The following FOXF2 variants were observed in gnomAD, a reference collection of about 807,000 sequenced individuals.
The protein encoded by FOXF2 is forkhead box F2, also known as forkhead box protein F2.
Under a neutral mutation model 29.1 loss-of-function variants are expected in FOXF2, and 15 were observed. The observed-to-expected ratio is 0.52, with a 90% CI of 0.35 to 0.79. The LOEUF (loss-of-function observed/expected upper bound fraction) is 0.79, where lower values mean the gene tolerates loss of function less well. Among genes scored for constraint, FOXF2 ranks in the 30% least tolerant of loss-of-function variants. The pLI is 0.01. For missense variants in FOXF2, 675 were observed against 667.1 expected, an observed-to-expected ratio of 1.01 and a Z score of -0.13; for synonymous variants, 337 against 316.5, an observed-to-expected ratio of 1.06 and a Z score of -0.69.
At chr6:1,392,434 TCACACACACACACACA>T (rs71738664) in intron 1 of FOXF2, among the ~76,000 whole-genome samples, 1,947 of 107,758 alleles carry the variant, frequency 0.018, 45 homozygotes, top group African/African-American at 0.056. Context: ...CGGCTGTCAA[TCACACACACACACACA>T]CACACACACA....
rs745411238 is a variant in FOXF2, at chr6:1,394,854, A to T, written c.1330A>T (p.Met444Leu). Residue 444 changes from methionine to leucine, a missense_variant, in exon 2 of 2, where the codon ATG becomes TTG. By Grantham distance (15) the Met-to-Leu change is conservative (BLOSUM62 2). Coordinates refer to ENST00000645481, the MANE Select transcript of FOXF2 (RefSeq NM_001452.2). Reference protein sequence around the residue: ...SVCQDIKPCVM With the variant: ...SVCQDIKPCVL ...CTGTCAGGATATTAAGCCCTGCGTC[A>T]TGTGAACGGAAAGAGGCCAAGCGAT... is the stretch of plus-strand genomic sequence containing the variant. The T allele has an allele frequency of 2.5e-6, 4 of 1,614,016 alleles. No individual in the cohort carries two copies. Among genetic ancestry groups the T allele is most frequent in the Middle Eastern group, 1.6e-4 (1 of 6,084 alleles).
chr6:1,390,660 A>G lies in FOXF2; in HGVS notation c.713A>G (p.His238Arg). The change falls in exon 1 of 2, where the codon CAC (histidine) becomes CGC (arginine). Residue 238 changes from histidine (H) to arginine (R), a missense_variant. This residue lies in a region of FOXF2 where 451 missense variants were observed against 437.2 expected (regional missense o/e 1.03). Coordinates refer to ENST00000645481, the MANE Select transcript of FOXF2 (RefSeq NM_001452.2). This position sits in a 1 kb window ranked among gnomAD's most constrained non-coding sequence, Gnocchi z 8.5. ...CCCCCGTCGGCGCCGCTCGGCTGCC[A>G]CAGCCAGGGCGGCTACGGCGGCCTC... ...QAPPSAPLGC[H>R]SQGGYGGLDM... 1 of 1,561,382 alleles carries G rather than the reference A, an allele frequency of 6.4e-7. No homozygotes were observed. Among genetic ancestry groups the G allele is most frequent in the Non-Finnish European group, 8.6e-7 (1 of 1,162,522 alleles).
rs778312283 is a variant in FOXF2, at chr6:1,390,241, C to T, written c.294C>T (p.Pro98=). ...AGGCGAGCTCGGGGCTGCGGCGGCC[C>T]GAGAAGCCGCCCTACTCGTACATCG... is the stretch of plus-strand genomic sequence containing the variant. ...AKKASSGLRR[P]EKPPYSYIAL... The change falls in exon 1 of 2, where the codon CCC becomes CCT. Residue 98 remains proline (P), a synonymous_variant. Transcript: ENST00000645481. This position sits in a 1 kb window ranked among gnomAD's most constrained non-coding sequence, Gnocchi z 8.5. The T allele has an allele frequency of 6.2e-7, 1 of 1,603,474 alleles. No homozygotes were observed. The highest frequency in any genetic ancestry group is 8.5e-7 in the Non-Finnish European group (1 of 1,176,988).
Position 1,390,032 on chromosome 6 carries a change from A to AGCCCGCC in FOXF2, c.96_102dup (p.Ala35ArgfsTer131). On this transcript the variant is annotated frameshift_variant, in exon 1 of 2. Transcript: ENST00000645481. LOFTEE classifies it high-confidence loss of function. The surrounding 1 kb of genome is among the most constrained non-coding windows in gnomAD (Gnocchi z 8.5). ...CGGCGCGCTCCAGGCCGCCCTGATG[A>AGCCCGCC]GCCCGCCGCCCGCCGCCGCCGCCGC... 3 of 1,331,540 alleles carry AGCCCGCC rather than the reference A, an allele frequency of 2.3e-6. No individual in the cohort carries two copies. Among genetic ancestry groups the AGCCCGCC allele is most frequent in the Non-Finnish European group, 2.9e-6 (3 of 1,039,036 alleles). The allele number at this position is 1,331,540 out of a possible 1,614,324, so 82.5% of individuals were successfully genotyped here. A position where few individuals can be genotyped will look rare whatever the true frequency, so the allele number is the denominator to read the frequency against.
intron 1 of FOXF2, among the ~76,000 whole-genome samples, chr6:1,393,150 C>A (rs1007095902): frequency 6.6e-6 from 1 of 152,086 alleles, no homozygotes; most frequent in African/African-American, 2.4e-5. Context: ...CACATGTCTA[C>A]GCGCACACAC....
intron 1 of FOXF2, 120 bp downstream of exon 1, chr6:1,391,238 G>T: frequency 1.3e-6 from 2 of 1,511,754 alleles, no homozygotes; most frequent in Non-Finnish European, 8.9e-7. Flanking sequence ...AGGGCACTGG[G>T]AAAAGCAGAT....
chr6:1,390,097 G>A lies in FOXF2; in HGVS notation c.150G>A (p.Ser50=). 1 of 1,426,064 alleles carries A rather than the reference G, an allele frequency of 7.0e-7. No homozygotes were observed. The highest frequency in any genetic ancestry group is 1.4e-5 in the South Asian group (1 of 73,020). The allele number at this position is 1,426,064 out of a possible 1,614,324, so 88.3% of individuals were successfully genotyped here. Reference sequence around the variant, plus strand: ...CGGAGACCACCTCCTCCTCCTCGTCGTCGTCCTCCGCCTCCTGCGCCTCGT... The same window carrying A: ...CGGAGACCACCTCCTCCTCCTCGTCATCGTCCTCCGCCTCCTGCGCCTCGT... The part of the protein sequence containing the change: ...AAPETTSSSS[S]SSSASCASSS... The change falls in exon 1 of 2, where the codon TCG becomes TCA. Residue 50 remains serine (S), a synonymous_variant. Transcript: ENST00000645481. This position sits in a 1 kb window ranked among gnomAD's most constrained non-coding sequence, Gnocchi z 8.5.
At position 1,390,209 on chromosome 6, in the gene FOXF2, G is replaced by A. The variant is rs72667003; in HGVS notation, c.262G>A (p.Ala88Thr). Reference sequence around the variant, plus strand: ...CGGCGCGGGCGCCGGGAGCGGGGGCGCCAAGAAGGCGAGCTCGGGGCTGCG... The same window carrying A: ...CGGCGCGGGCGCCGGGAGCGGGGGCACCAAGAAGGCGAGCTCGGGGCTGCG... Reference protein sequence around the residue: ...GGGAGAGSGGAKKASSGLRRP... With the variant: ...GGGAGAGSGGTKKASSGLRRP... The change falls in exon 1 of 2, where the codon GCC becomes ACC. Residue 88 changes from alanine to threonine, a missense_variant. Coordinates refer to ENST00000645481, the MANE Select transcript of FOXF2 (RefSeq NM_001452.2). This position sits in a 1 kb window ranked among gnomAD's most constrained non-coding sequence, Gnocchi z 8.5. 48,921 of 1,536,318 alleles carry A rather than the reference G, an allele frequency of 0.032. 919 individuals are homozygous for A. Among genetic ancestry groups the A allele is most frequent in the Middle Eastern group, 0.052 (236 of 4,534 alleles).
intron 1 of FOXF2, among the ~76,000 whole-genome samples, chr6:1,394,161 T>A (rs1758853937): frequency 6.6e-6 from 1 of 152,204 alleles, no homozygotes. Context: ...ATTGGGTTGT[T>A]TTCTATCGTC....
At chr6:1,394,596 G>T in intron 1 of FOXF2, 100 bp from the exon 2 acceptor site, 1 of 1,141,528 alleles carries the variant, frequency 8.8e-7, no homozygotes, top group East Asian at 2.3e-5. Context: ...TTACTAAAAG[G>T]CACAGCAGCA....
rs1554124494 is a variant in FOXF2 at position 1,395,231 on chromosome 6, C to G, written c.*372C>G. 3.9e-6 allele frequency: 1 copy of G among 254,098 alleles called. No homozygotes were observed. The highest frequency in any genetic ancestry group is 2.2e-5 in the African/African-American group (1 of 45,544). 15.7% of individuals were successfully genotyped at this position (254,098 alleles called of 1,614,324 possible). ...GTGTGTGTGTGTGTGTCTAAGAAAA[C>G]TTGTGTGCTTTTCAAAAAGGCAGTG... is the stretch of plus-strand genomic sequence containing the variant. On this transcript the variant is annotated 3_prime_UTR_variant, in exon 2 of 2. Coordinates refer to ENST00000645481, the MANE Select transcript of FOXF2 (RefSeq NM_001452.2).
In FOXF2 at chr6:1,390,106, C is replaced by T. The variant is rs1758746485; in HGVS notation, c.159C>T (p.Ser53=). 5 of 1,425,842 alleles carry T rather than the reference C, an allele frequency of 3.5e-6. No individual in the cohort carries two copies. Among genetic ancestry groups the T allele is most frequent in the Middle Eastern group, 2.3e-4 (1 of 4,440 alleles). 88.3% of individuals were successfully genotyped at this position (1,425,842 alleles called of 1,614,324 possible). ...CCTCCTCCTCCTCGTCGTCGTCCTC[C>T]GCCTCCTGCGCCTCGTCCTCGTCCT... The part of the protein sequence containing the change: ...ETTSSSSSSS[S]ASCASSSSSS... The change falls in exon 1 of 2, where the codon TCC becomes TCT. Residue 53 remains serine (S), a synonymous_variant. Transcript: ENST00000645481. This position sits in a 1 kb window ranked among gnomAD's most constrained non-coding sequence, Gnocchi z 8.5.
Position 1,395,531 on chromosome 6 carries a change from T to C in FOXF2, c.*672T>C, listed in dbSNP as rs1328932280. ...TAAAAGGAGGATATATTTGCACTTA[T>C]GTATACTTTTACAGTTTGCCAAAAT... is the stretch of plus-strand genomic sequence containing the variant. On this transcript the variant is annotated 3_prime_UTR_variant, in exon 2 of 2. Coordinates refer to ENST00000645481, the MANE Select transcript of FOXF2 (RefSeq NM_001452.2). The C allele has an allele frequency of 1.3e-5, 2 of 152,296 alleles. No individual in the cohort carries two copies. The highest frequency in any genetic ancestry group is 4.8e-5 in the African/African-American group (2 of 41,276). 9.4% of individuals were successfully genotyped at this position (152,296 alleles called of 1,614,324 possible). A position where few individuals can be genotyped will look rare whatever the true frequency, so the allele number is the denominator to read the frequency against.
At chr6:1,393,178 C>T (rs1025962741) in intron 1 of FOXF2, among the ~76,000 whole-genome samples, 1 of 151,934 alleles carries the variant, frequency 6.6e-6, no homozygotes, top group African/African-American at 2.4e-5. Context: ...GACCCTCCCT[C>T]CCCCAGCACA....
intron 1 of FOXF2, among the ~76,000 whole-genome samples, chr6:1,393,630 A>G (rs1758841306): frequency 6.6e-6 from 1 of 152,052 alleles, no homozygotes; most frequent in Non-Finnish European, 1.5e-5. Flanking sequence ...CCACGAGAGC[A>G]GGGCCCGAGC....
Position 1,390,799 on chromosome 6 carries a change from C to T in FOXF2, c.852C>T (p.Tyr284=). The change falls in exon 1 of 2, where the codon TAC becomes TAT. Residue 284 remains tyrosine, a synonymous_variant. Coordinates refer to ENST00000645481, the MANE Select transcript of FOXF2 (RefSeq NM_001452.2). This position sits in a 1 kb window ranked among gnomAD's most constrained non-coding sequence, Gnocchi z 8.5. The part of the protein sequence containing the change: ...PHMSPNPGST[Y]MASCPVPAGP... ...TGTCGCCCAACCCGGGTTCCACCTACATGGCCAGCTGCCCGGTGCCCGCGG... is the reference window on the plus strand; with the variant it reads ...TGTCGCCCAACCCGGGTTCCACCTATATGGCCAGCTGCCCGGTGCCCGCGG... The T allele has an allele frequency of 1.4e-6, 2 of 1,388,566 alleles. No individual in the cohort carries two copies. The highest frequency in any genetic ancestry group is 1.8e-6 in the Non-Finnish European group (2 of 1,083,518). The allele number at this position is 1,388,566 out of a possible 1,614,324, so 86.0% of individuals were successfully genotyped here. A position where few individuals can be genotyped will look rare whatever the true frequency, so the allele number is the denominator to read the frequency against.
intron 1 of FOXF2, among the ~76,000 whole-genome samples, chr6:1,393,925 G>A (rs559260379): frequency 2.0e-5 from 3 of 152,328 alleles, no homozygotes; most frequent in East Asian, 1.9e-4. Flanking sequence ...GGGGACCGGG[G>A]AGCCGCCCCG....
In FOXF2 at chr6:1,394,707, C is replaced by G. The variant is rs774308907; in HGVS notation, c.1183C>G (p.Arg395Gly). 2 of 1,614,060 alleles carry G rather than the reference C, an allele frequency of 1.2e-6. No homozygotes were observed. Among genetic ancestry groups the G allele is most frequent in the East Asian group, 2.2e-5 (1 of 44,876 alleles). ...AREDLSVGLP[R>G]YQHHSTPVCD... ...CTTTCTTCTTTCAGTGGGACTGCCC[C>G]GTTACCAGCATCACTCTACTCCAGT... is the stretch of plus-strand genomic sequence containing the variant. Residue 395 changes from arginine to glycine, a missense_variant, in exon 2 of 2, where the codon CGT becomes GGT. By Grantham distance (125) the Arg-to-Gly change is moderately radical (BLOSUM62 -2). Coordinates refer to ENST00000645481, the MANE Select transcript of FOXF2 (RefSeq NM_001452.2).
At chr6:1,393,407 T>C (rs942951350) in intron 1 of FOXF2, among the ~76,000 whole-genome samples, 1 of 151,846 alleles carries the variant, frequency 6.6e-6, no homozygotes, top group Non-Finnish European at 1.5e-5. Context: ...TGCTATTTTG[T>C]GGTCCAGGAC....
Sources: gnomAD v4.1 joint callset for allele counts (sites outside exome capture counted in the v4.1 genomes callset) on GRCh38, gnomAD v4.1.1 for gene constraint, gnomAD v4.1.1 regional missense constraint, Gnocchi (gnomAD v3.1) non-coding constraint, MANE v1.5 for transcripts, NCBI Gene and HGNC (gene_info 2026-07-23, HGNC 2026-07-21) for gene names.